FNDC1: variants seen among roughly 807,000 people sequenced by gnomAD.
FNDC1 encodes fibronectin type III domain containing 1.
In FNDC1, 96 loss-of-function variants were observed where a neutral mutation model predicts 168.0. That is an observed-to-expected ratio of 0.57 (90% confidence interval 0.48 to 0.68). FNDC1 has a LOEUF of 0.68. Ranked by LOEUF, FNDC1 falls within the 30% of genes least tolerant of loss-of-function variation. The pLI, the probability that FNDC1 is intolerant of heterozygous loss-of-function variation, is 0.00. For synonymous variants in FNDC1, 1,099 were observed against 1,025.9 expected (o/e 1.07, Z -1.36); for missense variants, 2,587 against 2,482.1 (o/e 1.04, Z -0.90).
At chr6:159,262,947 T>C (rs538715707) in intron 19 of FNDC1, among the ~76,000 whole-genome samples, 2 of 152,250 alleles carry the variant, frequency 1.3e-5, no homozygotes, top group Admixed American at 6.5e-5. Context: ...CATTTTGTGA[T>C]AACCTGCTGA....
chr6:159,271,340 G>C lies in FNDC1; in HGVS notation c.5583G>C (p.Gln1861His). 1 of 1,609,306 alleles carries C rather than the reference G, an allele frequency of 6.2e-7. No individual in the cohort carries two copies. The highest frequency in any genetic ancestry group is 8.5e-7 in the Non-Finnish European group (1 of 1,177,884). The change falls in exon 23 of 23, where the codon CAG (glutamine) becomes CAC (histidine). Residue 1861 changes from glutamine (Q) to histidine (H), a missense_variant. Transcript: ENST00000297267. ...TTGCCCTTCCAGGCTACTATCGCCA[G>C]TATCGTCAGGAGCCTGTCAGGTTTG... is the stretch of plus-strand genomic sequence containing the variant. The part of the protein sequence containing the change: ...ALPTIQGYYR[Q>H]YRQEPVRFGN...
At chr6:159,227,464 T>C (rs1436177991) in intron 9 of FNDC1, among the ~76,000 whole-genome samples, 1 of 152,202 alleles carries the variant, frequency 6.6e-6, no homozygotes, top group Non-Finnish European at 1.5e-5. Context: ...TGAGAATTTC[T>C]TAATTGAAAA....
chr6:159,238,664 A>G lies in FNDC1; in HGVS notation c.4179A>G (p.Val1393=), dbSNP rs1320181828. 2 of 1,579,392 alleles carry G rather than the reference A, an allele frequency of 1.3e-6. No homozygotes were observed. Among genetic ancestry groups the G allele is most frequent in the African/African-American group, 1.3e-5 (1 of 74,248 alleles). Residue 1393 remains valine, a splice_region_variant and synonymous_variant, in exon 13 of 23, where the codon GTA becomes GTG. Coordinates refer to ENST00000297267, the MANE Select transcript of FNDC1 (RefSeq NM_032532.3). ...TAGGAGGAGATGGTCGAACCATTGT[A>G]GGTAAGGGAGAATGGTTTTTAAAGA... is the stretch of plus-strand genomic sequence containing the variant. ...IKLGGDGRTI[V]DLEGTPVVSP... is the part of the protein sequence containing the mutation.
rs777208161 is a variant in FNDC1, at chr6:159,234,129, C to T, written c.3617C>T (p.Ser1206Phe). The change falls in exon 11 of 23, where the codon TCC becomes TTC. Residue 1206 changes from serine to phenylalanine, a missense_variant. Physicochemically the swap from Ser to Phe is radical, Grantham distance 155 (BLOSUM62 -2). Transcript: ENST00000297267. Reference sequence around the variant, plus strand: ...TCCTCTGTGCCAAAGTGGCCCTCTTCCTCCACTCCCAGGGGCGGCAAAGAC... The same window carrying T: ...TCCTCTGTGCCAAAGTGGCCCTCTTTCTCCACTCCCAGGGGCGGCAAAGAC... ...LSSSVPKWPS[S>F]STPRGGKDAD... 2.0e-5 allele frequency: 32 copies of T among 1,603,282 alleles called. No homozygotes were observed. The highest frequency in any genetic ancestry group is 2.4e-5 in the Non-Finnish European group (28 of 1,174,806).
intron 18 of FNDC1, among the ~76,000 whole-genome samples, chr6:159,258,015 A>G (rs1777410293): frequency 6.6e-6 from 1 of 151,670 alleles, no homozygotes. Context: ...AGCTACTTAC[A>G]ACAGAATCTG....
rs1237196171 is a variant in FNDC1 at position 159,210,887 on chromosome 6, C to T, written c.461-4058C>T. ...CCTGCCCTCTCTTTCTTCTTCCTCTCAGGCTTCTCACCTCTTCCTTATCAA... is the reference window on the plus strand; with the variant it reads ...CCTGCCCTCTCTTTCTTCTTCCTCTTAGGCTTCTCACCTCTTCCTTATCAA... On this transcript the variant is annotated intron_variant, in intron 4 of 22. Coordinates refer to ENST00000297267, the MANE Select transcript of FNDC1 (RefSeq NM_032532.3). Among the ~76,000 whole-genome samples the T allele has an allele frequency of 2.0e-5, 3 of 152,200 alleles. No homozygotes were observed. The East Asian group carries it at 5.8e-4, about 29-fold the overall frequency.
intron 4 of FNDC1, among the ~76,000 whole-genome samples, chr6:159,207,560 G>C (rs1264076636): frequency 1.3e-5 from 2 of 152,232 alleles, no homozygotes; most frequent in Non-Finnish European, 2.9e-5. Flanking sequence ...TGATACCTCT[G>C]AGAGGGGAAG....
intron 7 of FNDC1, among the ~76,000 whole-genome samples, chr6:159,224,948 T>C (rs1782920445): frequency 6.6e-6 from 1 of 152,172 alleles, no homozygotes. Context: ...CCGATAACCA[T>C]GCACCACAGT....
chr6:159,210,389 T>C (rs1782576598), intron 4 of FNDC1, among the ~76,000 whole-genome samples: 1 of 152,194 alleles, frequency 6.6e-6, no homozygotes, highest in Non-Finnish European at 1.5e-5. Context: ...GCCTCACTTC[T>C]TTGGTCAGCA....
intron 21 of FNDC1, among the ~76,000 whole-genome samples, chr6:159,266,847 A>G (rs924606879): frequency 6.6e-6 from 1 of 152,182 alleles, no homozygotes; most frequent in Non-Finnish European, 1.5e-5. Flanking sequence ...TCTGTGTCCT[A>G]ATAAAAATCA....
rs1229920086 is a variant in FNDC1 at position 159,200,582 on chromosome 6, G to T, written c.460+1G>T. 5.7e-6 allele frequency: 9 copies of T among 1,586,518 alleles called. No homozygotes were observed. Among genetic ancestry groups the T allele is most frequent in the Non-Finnish European group, 7.7e-6 (9 of 1,164,576 alleles). On this transcript the variant is annotated splice_donor_variant, in intron 4 of 22. Transcript: ENST00000297267. LOFTEE classifies it high-confidence loss of function. ...GGACCATTTAATGAAACCGTCACAGGTACTACTTCCTCCTTCATGTCAGAT... is the reference window on the plus strand; with the variant it reads ...GGACCATTTAATGAAACCGTCACAGTTACTACTTCCTCCTTCATGTCAGAT...
chr6:159,219,885 T>C (rs1374105599), intron 5 of FNDC1, among the ~76,000 whole-genome samples: 6 of 152,128 alleles, frequency 3.9e-5, no homozygotes, highest in African/African-American at 1.2e-4. Context: ...TGGCCATTTT[T>C]GTTTGTTTGT....
chr6:159,232,901 G>A lies in FNDC1; in HGVS notation c.2389G>A (p.Gly797Ser), dbSNP rs1175457226. 14 of 1,612,600 alleles carry A rather than the reference G, an allele frequency of 8.7e-6. No homozygotes were observed. The highest frequency in any genetic ancestry group is 1.2e-5 in the Non-Finnish European group (14 of 1,179,780). ...ESHGDGDREDGGRQAEATAQT... is the reference protein window; with the variant it reads ...ESHGDGDREDSGRQAEATAQT... ...CCACGGTGACGGCGATAGGGAAGAC[G>A]GCGGAAGGCAGGCGGAGGCCACGGC... Residue 797 changes from glycine (G) to serine (S), a missense_variant, in exon 11 of 23, where the codon GGC becomes AGC. Transcript: ENST00000297267. The surrounding 1 kb of genome is among the most constrained non-coding windows in gnomAD (Gnocchi z 4.9).
At position 159,261,180 on chromosome 6, in the gene FNDC1, C is replaced by G. The variant is rs375386532; in HGVS notation, c.5175-10C>G. The G allele has an allele frequency of 6.3e-7, 1 of 1,598,850 alleles. No individual in the cohort carries two copies. The highest frequency in any genetic ancestry group is 8.6e-7 in the Non-Finnish European group (1 of 1,169,390). On this transcript the variant is annotated splice_polypyrimidine_tract_variant and intron_variant, in intron 18 of 22. Coordinates refer to ENST00000297267, the MANE Select transcript of FNDC1 (RefSeq NM_032532.3). ...TGTCTCTTTCAAAATATATCTTCTTCCAACTTCAGGTATTATTTTAAAGTG... is the reference window on the plus strand; with the variant it reads ...TGTCTCTTTCAAAATATATCTTCTTGCAACTTCAGGTATTATTTTAAAGTG...
intron 5 of FNDC1, among the ~76,000 whole-genome samples, chr6:159,220,460 T>C (rs1302075494): frequency 2.0e-5 from 3 of 152,216 alleles, no homozygotes; most frequent in African/African-American, 7.2e-5. Flanking sequence ...AGATTAAAGC[T>C]GCAACAGGAG....
At chr6:159,201,778 C>T (rs1234575418) in intron 4 of FNDC1, among the ~76,000 whole-genome samples, 1 of 152,134 alleles carries the variant, frequency 6.6e-6, no homozygotes, top group Non-Finnish European at 1.5e-5. Flanking sequence ...ACGTGTGAAC[C>T]TTTTACTGAT....
At chr6:159,226,085 G>C (rs376365598) in intron 8 of FNDC1, among the ~76,000 whole-genome samples, 12 of 152,126 alleles carry the variant, frequency 7.9e-5, no homozygotes, top group East Asian at 5.8e-4. Context: ...CTGAGGCTGA[G>C]GTTGCATTTG....
rs1250798849 is a variant in FNDC1, at chr6:159,239,963, T to A, written c.4621+6T>A. 1.4e-6 allele frequency: 2 copies of A among 1,472,836 alleles called. No individual in the cohort carries two copies. Among genetic ancestry groups the A allele is most frequent in the Non-Finnish European group, 9.0e-7 (1 of 1,106,172 alleles). 91.2% of individuals were successfully genotyped at this position (1,472,836 alleles called of 1,614,324 possible). ...AGAGTGCTACGCTGAAGAAGGTAAC[T>A]GCCTTTGTTCTAATGCTAACTACTT... is the stretch of plus-strand genomic sequence containing the variant. On this transcript the variant is annotated splice_donor_region_variant and intron_variant, in intron 14 of 22. Coordinates refer to ENST00000297267, the MANE Select transcript of FNDC1 (RefSeq NM_032532.3).
chr6:159,182,690 G>A (rs294880), intron 1 of FNDC1, among the ~76,000 whole-genome samples: 4 of 151,964 alleles, frequency 2.6e-5, no homozygotes, highest in Non-Finnish European at 1.5e-5. Flanking sequence ...TATTCCCAGG[G>A]GAGTGGCTTT....
Sources: allele counts gnomAD v4.1 joint callset (sites outside exome capture counted in the v4.1 genomes callset), GRCh38; gene constraint gnomAD v4.1.1; non-coding constraint Gnocchi (gnomAD v3.1); transcripts MANE v1.5; gene names NCBI Gene and HGNC (gene_info 2026-07-23, HGNC 2026-07-21).